Variants in FAM53B observed in about 807,000 individuals in gnomAD.
The protein encoded by FAM53B is family with sequence similarity 53 member B.
Under a neutral mutation model 32.7 loss-of-function variants are expected in FAM53B, and 12 were observed. The observed-to-expected ratio is 0.37, with a 90% CI of 0.24 to 0.59. FAM53B has a LOEUF of 0.59. Among genes scored for constraint, FAM53B ranks in the 20% least tolerant of loss-of-function variants. The pLI, the probability that FAM53B is intolerant of heterozygous loss-of-function variation, is 0.72. For synonymous variants in FAM53B, 234 were observed against 228.7 expected (o/e 1.02, Z -0.21); for missense variants, 477 against 577.7 (o/e 0.83, Z 1.79).
intron 1 of FAM53B, among the ~76,000 whole-genome samples, chr10:124,719,780 G>T (rs1222091408): frequency 5.3e-5 from 8 of 152,192 alleles, no homozygotes; most frequent in Non-Finnish European, 2.9e-5. Flanking sequence ...ATGTGGACTG[G>T]CCTTCACCTC....
chr10:124,706,514 G>A, intron 2 of FAM53B, 122 bp downstream of exon 2: 2 of 1,269,412 alleles, frequency 1.6e-6, no homozygotes, highest in East Asian at 2.3e-5. Context: ...ACGCCTCACA[G>A]AGCTTTGCTC....
chr10:124,677,987 A>T (rs555579290), intron 4 of FAM53B, among the ~76,000 whole-genome samples: 1 of 152,356 alleles, frequency 6.6e-6, no homozygotes, highest in Admixed American at 6.5e-5. Flanking sequence ...GCTGAGCTGC[A>T]GGGCAGGCCT....
At chr10:124,658,146 G>C (rs1949606908) in intron 4 of FAM53B, among the ~76,000 whole-genome samples, 1 of 152,248 alleles carries the variant, frequency 6.6e-6, no homozygotes, top group South Asian at 2.1e-4. Flanking sequence ...CTGGGGCAGA[G>C]ACAGGGGCAG....
chr10:124,658,361 T>A (rs994845401), intron 4 of FAM53B, among the ~76,000 whole-genome samples: 5 of 152,200 alleles, frequency 3.3e-5, no homozygotes, highest in Non-Finnish European at 5.9e-5. Flanking sequence ...GACCTCTGAA[T>A]AGATGTCAAG....
At position 124,681,975 on chromosome 10, in the gene FAM53B, G is replaced by A. The variant is rs1156559781; in HGVS notation, c.538C>T (p.Pro180Ser). 6.2e-7 allele frequency: 1 copy of A among 1,614,014 alleles called. No individual in the cohort carries two copies. The highest frequency in any genetic ancestry group is 2.2e-5 in the East Asian group (1 of 44,890). Residue 180 changes from proline (P) to serine (S), a missense_variant, in exon 4 of 5, where the codon CCC (proline) becomes TCC (serine). Around this residue, in one of 2 missense-constraint regions of FAM53B, gnomAD observed 312 missense variants for 420.2 expected, o/e 0.74. Coordinates refer to ENST00000337318, the MANE Select transcript of FAM53B (RefSeq NM_014661.4). ...LPSRANVLSS[P>S]CDQAGLHHRF... is the part of the protein sequence containing the mutation. ...TGGTGGAGTCCTGCCTGGTCGCAGG[G>A]TGAGGAGAGCACGTTGGCCCGGGAA...
At chr10:124,656,504 G>A (rs943920487) in intron 4 of FAM53B, among the ~76,000 whole-genome samples, 4 of 152,224 alleles carry the variant, frequency 2.6e-5, no homozygotes, top group Non-Finnish European at 4.4e-5. Context: ...CATCAGCACC[G>A]TTGCTCCAGT....
intron 1 of FAM53B, among the ~76,000 whole-genome samples, chr10:124,731,174 G>C (rs12247543): frequency 0.21 from 32,330 of 152,148 alleles, 3,851 homozygotes; most frequent in Non-Finnish European, 0.26. Flanking sequence ...CACTTCTCAG[G>C]GTGGTTATAT....
chr10:124,638,524 C>T (rs988224460), intron 4 of FAM53B, among the ~76,000 whole-genome samples: 5 of 152,182 alleles, frequency 3.3e-5, no homozygotes, highest in African/African-American at 1.2e-4. Context: ...ACAAGCAGCT[C>T]GGGGCTCAGA....
In FAM53B at chr10:124,622,354, A is replaced by C. The variant is rs1490917274; in HGVS notation, c.*888T>G. ...GCCGTTTTCAAGAGGCTGCCCTGGTATCGTGCCATCCCTACACTCACCGGA... is the reference window on the plus strand; with the variant it reads ...GCCGTTTTCAAGAGGCTGCCCTGGTCTCGTGCCATCCCTACACTCACCGGA... On this transcript the variant is annotated 3_prime_UTR_variant, in exon 5 of 5. Coordinates refer to ENST00000337318, the MANE Select transcript of FAM53B (RefSeq NM_014661.4). The C allele has an allele frequency of 1.3e-5, 2 of 152,200 alleles. No individual in the cohort carries two copies. Among genetic ancestry groups the C allele is most frequent in the Non-Finnish European group, 2.9e-5 (2 of 68,122 alleles). The allele number at this position is 152,200 out of a possible 1,614,324, so 9.4% of individuals were successfully genotyped here.
At chr10:124,705,353 T>C (rs924082916) in intron 2 of FAM53B, among the ~76,000 whole-genome samples, 3 of 152,236 alleles carry the variant, frequency 2.0e-5, no homozygotes, top group Admixed American at 1.3e-4. Flanking sequence ...TGCTCCAGGT[T>C]GCAGCTGCCT....
intron 3 of FAM53B, among the ~76,000 whole-genome samples, chr10:124,684,015 T>C (rs1176666379): frequency 6.6e-6 from 1 of 152,232 alleles, no homozygotes; most frequent in African/African-American, 2.4e-5. Context: ...GTGGTTCTCC[T>C]TCCTCTTGGG....
chr10:124,727,105 G>A (rs745487295), intron 1 of FAM53B, among the ~76,000 whole-genome samples: 1 of 152,178 alleles, frequency 6.6e-6, no homozygotes, highest in Non-Finnish European at 1.5e-5. Context: ...TGCAACGTCC[G>A]CCTCCCAGGC....
intron 1 of FAM53B, among the ~76,000 whole-genome samples, chr10:124,739,064 C>A (rs112612039): frequency 0.039 from 5,739 of 148,064 alleles, 157 homozygotes; most frequent in South Asian, 0.12. Flanking sequence ...AAACAAAAAA[C>A]AAAAAAACAC....
At chr10:124,630,244 T>C (rs897296) in intron 4 of FAM53B, among the ~76,000 whole-genome samples, 130,893 of 152,214 alleles carry the variant, frequency 0.86, 56,489 homozygotes, top group Admixed American at 0.91. Flanking sequence ...AAAACCCCAT[T>C]TCTACCAAAA....
At chr10:124,646,674 T>C (rs1949517672) in intron 4 of FAM53B, among the ~76,000 whole-genome samples, 1 of 152,234 alleles carries the variant, frequency 6.6e-6, no homozygotes. Flanking sequence ...CTCCTGCTGC[T>C]GGGAGACCTG....
chr10:124,631,489 G>C (rs1320156412), intron 4 of FAM53B, among the ~76,000 whole-genome samples: 1 of 152,178 alleles, frequency 6.6e-6, no homozygotes, highest in Non-Finnish European at 1.5e-5. Flanking sequence ...CACTCATCCC[G>C]TGGGCTATCA....
At chr10:124,660,397 C>T (rs1949623092) in intron 4 of FAM53B, among the ~76,000 whole-genome samples, 1 of 152,212 alleles carries the variant, frequency 6.6e-6, no homozygotes, top group Non-Finnish European at 1.5e-5. Flanking sequence ...CAGAGTAATG[C>T]CATTTTCATT....
At chr10:124,702,954 C>T (rs1949925604) in intron 2 of FAM53B, among the ~76,000 whole-genome samples, 1 of 152,136 alleles carries the variant, frequency 6.6e-6, no homozygotes, top group South Asian at 2.1e-4. Context: ...CTCTTGCTCC[C>T]TCTCTCACCT....
chr10:124,687,666 C>T (rs1241376156), intron 3 of FAM53B, among the ~76,000 whole-genome samples: 1 of 152,180 alleles, frequency 6.6e-6, no homozygotes, highest in Non-Finnish European at 1.5e-5. Context: ...ACTTCTGGGC[C>T]ACCTACAGGA....
Sources: allele counts gnomAD v4.1 joint callset (sites outside exome capture counted in the v4.1 genomes callset), GRCh38; gene constraint gnomAD v4.1.1; regional missense constraint gnomAD v4.1.1; transcripts MANE v1.5; gene names NCBI Gene and HGNC (gene_info 2026-07-23, HGNC 2026-07-21).